CEMIP: variants seen among roughly 807,000 people sequenced by gnomAD.
CEMIP encodes the protein cell migration inducing hyaluronidase 1.
A neutral mutation model predicts 156.9 loss-of-function variants in CEMIP; 105 were observed. The observed-to-expected ratio is 0.67, with a 90% CI of 0.57 to 0.79. The LOEUF (loss-of-function observed/expected upper bound fraction) is 0.79. Ranked by LOEUF, CEMIP falls within the 30% of genes least tolerant of loss-of-function variation. The probability of loss-of-function intolerance (pLI) is 0.00; values close to 1 mark genes in which losing one functional copy is unlikely to be tolerated. For synonymous variants in CEMIP, 676 were observed against 668.4 expected (o/e 1.01, Z -0.17); for missense variants, 1,457 against 1,769.4 (o/e 0.82, Z 3.17).
intron 24 of CEMIP, 74 bp downstream of exon 24, chr15:80,936,959 C>G: frequency 7.0e-7 from 1 of 1,426,820 alleles, no homozygotes; most frequent in Non-Finnish European, 9.8e-7. Context: ...CCTGGACTTG[C>G]GTCTAACGAA....
At chr15:80,839,304 G>GTGTGTGTGTGTGTGTGTGTGTA (rs1897336281) in intron 1 of CEMIP, among the ~76,000 whole-genome samples, 2 of 151,034 alleles carry the variant, frequency 1.3e-5, no homozygotes, top group African/African-American at 4.9e-5. Flanking sequence ...GTGTGTGTGT[G>GTGTGTGTGTGTGTGTGTGTGTA]TGTGTGTGTG....
At chr15:80,840,496 T>C (rs893280647) in intron 1 of CEMIP, among the ~76,000 whole-genome samples, 4 of 152,152 alleles carry the variant, frequency 2.6e-5, no homozygotes. Context: ...GTTTGGGTTT[T>C]CTGGAAGCTC....
intron 23 of CEMIP, 112 bp downstream of exon 23, chr15:80,933,572 AT>A (rs919201277): frequency 4.0e-5 from 32 of 804,496 alleles, no homozygotes; most frequent in African/African-American, 5.2e-5. Flanking sequence ...GAGATACAGA[AT>A]TTTTTTTTCT....
At chr15:80,799,190 T>A (rs1896309984) in intron 1 of CEMIP, among the ~76,000 whole-genome samples, 1 of 152,258 alleles carries the variant, frequency 6.6e-6, no homozygotes, top group Non-Finnish European at 1.5e-5. Flanking sequence ...TCTCAGGTTT[T>A]GCAGAGATGT....
intron 5 of CEMIP, 51 bp downstream of exon 5, chr15:80,879,905 G>A (rs1416685987): frequency 6.2e-7 from 1 of 1,609,142 alleles, no homozygotes; most frequent in Non-Finnish European, 8.5e-7. Flanking sequence ...TCTGACAAGA[G>A]GGAGACTTTC....
Position 80,942,010 on chromosome 15 carries a change from T to G in CEMIP, c.3569T>G (p.Val1190Gly), listed in dbSNP as rs1341736295. ...TAYPKFTERA[V>G]VDVPMPKKLF... ...TACCCCAAGTTCACCGAGAGGGCTG[T>G]CGTAGACGTGCCGATGCCCAAGAAG... is the stretch of plus-strand genomic sequence containing the variant. Residue 1190 changes from valine (V) to glycine (G), a missense_variant, in exon 26 of 30, where the codon GTC (valine) becomes GGC (glycine). Physicochemically the swap from Val to Gly is moderately radical, Grantham distance 109. Transcript: ENST00000394685. 6.2e-7 allele frequency: 1 copy of G among 1,613,514 alleles called. No homozygotes were observed. The highest frequency in any genetic ancestry group is 1.7e-5 in the Admixed American group (1 of 59,958).
intron 23 of CEMIP, among the ~76,000 whole-genome samples, chr15:80,935,114 A>AGC (rs1901068922): frequency 6.6e-6 from 1 of 152,102 alleles, no homozygotes; most frequent in Non-Finnish European, 1.5e-5. Flanking sequence ...CTGTGCAATG[A>AGC]GCCATGGGGT....
At chr15:80,872,196 G>A (rs759784928) in intron 1 of CEMIP, among the ~76,000 whole-genome samples, 13 of 152,210 alleles carry the variant, frequency 8.5e-5, no homozygotes, top group African/African-American at 1.9e-4. Flanking sequence ...AGCCTGGGCC[G>A]GGTGAGATAG....
intron 1 of CEMIP, among the ~76,000 whole-genome samples, chr15:80,831,670 G>A (rs1326968877): frequency 5.9e-5 from 9 of 152,168 alleles, no homozygotes; most frequent in African/African-American, 1.7e-4. Flanking sequence ...CCAAAGCCCC[G>A]GCTGGAGTAT....
At chr15:80,815,318 C>T (rs1359054941) in intron 1 of CEMIP, among the ~76,000 whole-genome samples, 1 of 152,224 alleles carries the variant, frequency 6.6e-6, no homozygotes, top group Non-Finnish European at 1.5e-5. Flanking sequence ...GTGGTGAAGA[C>T]CAGATGAGCA....
chr15:80,814,336 A>G lies in CEMIP; in HGVS notation c.-176+34722A>G, dbSNP rs571490261. 2.0e-5 allele frequency among the ~76,000 whole-genome samples: 3 copies of G among 152,258 alleles called. No individual in the cohort carries two copies. The East Asian group carries it at 5.8e-4, about 29-fold the overall frequency. ...AGTGCTAGGATTACAGGTGTGAGCC[A>G]CTGAGCCCGGCCTAAACTCTTTGGC... On this transcript the variant is annotated intron_variant, in intron 1 of 29. Coordinates refer to ENST00000394685, the MANE Select transcript of CEMIP (RefSeq NM_001293298.2).
At chr15:80,866,605 AAAT>A (rs1898133980) in intron 1 of CEMIP, among the ~76,000 whole-genome samples, 1 of 143,208 alleles carries the variant, frequency 7.0e-6, no homozygotes. Flanking sequence ...ATAAATAAAT[AAAT>A]AAATAAATAA....
intron 12 of CEMIP, among the ~76,000 whole-genome samples, chr15:80,905,583 G>A (rs1899766079): frequency 6.6e-6 from 1 of 152,190 alleles, no homozygotes; most frequent in African/African-American, 2.4e-5. Flanking sequence ...AGAGAAAACA[G>A]AGGGGTTAGG....
At chr15:80,944,351 T>C (rs1901458171) in intron 28 of CEMIP, among the ~76,000 whole-genome samples, 2 of 152,238 alleles carry the variant, frequency 1.3e-5, no homozygotes, top group African/African-American at 2.4e-5. Context: ...ACACATCTGT[T>C]GCCCCATCAA....
chr15:80,894,486 C>T (rs1899141979), intron 10 of CEMIP, among the ~76,000 whole-genome samples: 1 of 152,172 alleles, frequency 6.6e-6, no homozygotes, highest in African/African-American at 2.4e-5. Flanking sequence ...ACCTGGACAA[C>T]TTTTCAAAGT....
chr15:80,797,165 G>C (rs551695852), intron 1 of CEMIP, among the ~76,000 whole-genome samples: 11 of 152,214 alleles, frequency 7.2e-5, no homozygotes, highest in Non-Finnish European at 1.6e-4. Flanking sequence ...TACGGGAATT[G>C]TGCACAGCAA....
chr15:80,827,571 A>G (rs557730032), intron 1 of CEMIP, among the ~76,000 whole-genome samples: 2 of 151,746 alleles, frequency 1.3e-5, no homozygotes, highest in Non-Finnish European at 2.9e-5. Context: ...GTGAGCCGAG[A>G]TCACACCACT....
rs1458618860 is a variant in CEMIP, at chr15:80,924,639, A to G, written c.2221A>G (p.Asn741Asp). 6.2e-7 allele frequency: 1 copy of G among 1,614,130 alleles called. No individual in the cohort carries two copies. Among genetic ancestry groups the G allele is most frequent in the South Asian group, 1.1e-5 (1 of 91,072 alleles). ...CCTGCAGGCTGGCATGATCATAGACAACGGAGTCAAAACCACCGAGGCCTC... is the reference window on the plus strand; with the variant it reads ...CCTGCAGGCTGGCATGATCATAGACGACGGAGTCAAAACCACCGAGGCCTC... ...SNYRAGMIID[N>D]GVKTTEASAK... The change falls in exon 18 of 30, where the codon AAC becomes GAC. Residue 741 changes from asparagine (N) to aspartate (D), a missense_variant. Asn to Asp is a conservative substitution (Grantham distance 23, BLOSUM62 1). This residue lies in a region of CEMIP where 798 missense variants were observed against 980.1 expected (regional missense o/e 0.81). Coordinates refer to ENST00000394685, the MANE Select transcript of CEMIP (RefSeq NM_001293298.2).
At chr15:80,784,115 CTT>C (rs914244751) in intron 1 of CEMIP, among the ~76,000 whole-genome samples, 5 of 152,278 alleles carry the variant, frequency 3.3e-5, no homozygotes, top group African/African-American at 1.2e-4. Flanking sequence ...ACTGGGATAT[CTT>C]TGAGTCTTCT....
Sources: allele counts gnomAD v4.1 joint callset (sites outside exome capture counted in the v4.1 genomes callset), GRCh38; gene constraint gnomAD v4.1.1; regional missense constraint gnomAD v4.1.1; transcripts MANE v1.5; gene names NCBI Gene and HGNC (gene_info 2026-07-23, HGNC 2026-07-21).